The following LMTK3 variants were observed in gnomAD, a reference collection of about 807,000 sequenced individuals.
The protein encoded by LMTK3 is serine/threonine-protein kinase LMTK3.
LMTK3 carries 27 observed loss-of-function variants against 116.7 expected under a neutral mutation model. That is an observed-to-expected ratio of 0.23 (90% CI 0.17 to 0.32). LMTK3 has a LOEUF of 0.32. Ranked by LOEUF, LMTK3 falls within the 10% of genes least tolerant of loss-of-function variation. The probability of loss-of-function intolerance (pLI) is 1.00; values close to 1 mark genes in which losing one functional copy is unlikely to be tolerated. For missense variants in LMTK3, 1,764 were observed against 2,068.5 expected (o/e 0.85, Z 2.86); for synonymous variants, 965 against 971.0 (o/e 0.99, Z 0.11).
In LMTK3 at chr19:48,497,364, G is replaced by A. The variant is rs1296760842; in HGVS notation, c.3676+29C>T. On this transcript the variant is annotated intron_variant, in intron 11 of 14. Coordinates refer to ENST00000600059, the MANE Select transcript of LMTK3 (RefSeq NM_001388485.1). This position sits in a 1 kb window ranked among gnomAD's most constrained non-coding sequence, Gnocchi z 5.7. ...ACGCCTCGGAAACAGCCGGACCTCA[G>A]CCCTGACTGTGCCCCGCAGCCTCCT... The A allele has an allele frequency of 1.4e-6, 2 of 1,448,256 alleles. No homozygotes were observed. Among genetic ancestry groups the A allele is most frequent in the South Asian group, 3.0e-5 (2 of 66,394 alleles). 89.7% of individuals were successfully genotyped at this position (1,448,256 alleles called of 1,614,324 possible).
Position 48,498,397 on chromosome 19 carries a change from C to G in LMTK3, c.2672G>C (p.Gly891Ala). 1 of 1,611,704 alleles carries G rather than the reference C, an allele frequency of 6.2e-7. No homozygotes were observed. Among genetic ancestry groups the G allele is most frequent in the Non-Finnish European group, 8.5e-7 (1 of 1,179,166 alleles). The change falls in exon 11 of 15, where the codon GGG (glycine) becomes GCG (alanine). Residue 891 changes from glycine to alanine, a missense_variant. Physicochemically the swap from Gly to Ala is moderately conservative, Grantham distance 60 (BLOSUM62 0). Coordinates refer to ENST00000600059, the MANE Select transcript of LMTK3 (RefSeq NM_001388485.1). ...TTTCTCTCTGTTCCCGGGGCCTCTCCCCGCCTTCCTGGGTCCTGTCTCCCG... is the reference window on the plus strand; with the variant it reads ...TTTCTCTCTGTTCCCGGGGCCTCTCGCCGCCTTCCTGGGTCCTGTCTCCCG... ...TARETGPRKA[G>A]RGPGNREKVP...
In LMTK3 at chr19:48,497,658, C is replaced by A; in HGVS notation, c.3411G>T (p.Trp1137Cys). The A allele has an allele frequency of 7.6e-7, 1 of 1,312,030 alleles. No individual in the cohort carries two copies. The highest frequency in any genetic ancestry group is 9.7e-7 in the Non-Finnish European group (1 of 1,033,400). The allele number at this position is 1,312,030 out of a possible 1,614,324, so 81.3% of individuals were successfully genotyped here. The change falls in exon 11 of 15, where the codon TGG (tryptophan) becomes TGT (cysteine). Residue 1137 changes from tryptophan to cysteine, a missense_variant. Around this residue, in one of 7 missense-constraint regions of LMTK3, gnomAD observed 1,028 missense variants for 1,050.6 expected, o/e 0.98. Transcript: ENST00000600059. The surrounding 1 kb of genome is among the most constrained non-coding windows in gnomAD (Gnocchi z 5.7). ...PGSGVDAKAG[W>C]VDNTRPQPPP... ...GTGGCTGCGGCCTCGTGTTGTCTAC[C>A]CATCCGGCCTTTGCGTCCACGCCGC...
chr19:48,486,293 T>C (rs1972124198), intron 14 of LMTK3, among the ~76,000 whole-genome samples: 1 of 150,664 alleles, frequency 6.6e-6, no homozygotes, highest in Non-Finnish European at 1.5e-5. Context: ...CCTCCTGACC[T>C]CGTGATCCAC....
chr19:48,507,038 C>T (rs906142474), intron 5 of LMTK3, among the ~76,000 whole-genome samples: 6 of 152,144 alleles, frequency 3.9e-5, no homozygotes, highest in African/African-American at 9.7e-5. Context: ...GCAGTCTGCC[C>T]GCCTTGGCCT....
In LMTK3 at chr19:48,497,959, C is replaced by A. The variant is rs1338122413; in HGVS notation, c.3110G>T (p.Trp1037Leu). 6.3e-7 allele frequency: 1 copy of A among 1,589,870 alleles called. No homozygotes were observed. The highest frequency in any genetic ancestry group is 1.1e-5 in the South Asian group (1 of 88,380). Residue 1037 changes from tryptophan (W) to leucine (L), a missense_variant, in exon 11 of 15, where the codon TGG becomes TTG. Coordinates refer to ENST00000600059, the MANE Select transcript of LMTK3 (RefSeq NM_001388485.1). The surrounding 1 kb of genome is among the most constrained non-coding windows in gnomAD (Gnocchi z 5.7). ...CTCCCCGATCGTGGGGGCTGGACCCCAACTCTCGGGCGTCTTCTCCCAGGG... is the reference window on the plus strand; with the variant it reads ...CTCCCCGATCGTGGGGGCTGGACCCAAACTCTCGGGCGTCTTCTCCCAGGG... ...PGPWEKTPES[W>L]GPAPTIGEPA...
In LMTK3 at chr19:48,508,895, C is replaced by A; in HGVS notation, c.513G>T (p.Gly171=). Residue 171 remains glycine, a synonymous_variant, in exon 5 of 15, where the codon GGG becomes GGT. Coordinates refer to ENST00000600059, the MANE Select transcript of LMTK3 (RefSeq NM_001388485.1). ...AGATGAACTTGCGTTGCTCCAGGGG[C>A]CCCGCGCTGGCTCGGAGCTCCTTCA... ...VVVKELRASA[G]PLEQRKFISE... The A allele has an allele frequency of 6.2e-7, 1 of 1,613,694 alleles. No homozygotes were observed. Among genetic ancestry groups the A allele is most frequent in the Non-Finnish European group, 8.5e-7 (1 of 1,179,764 alleles).
rs759643958 is a variant in LMTK3, at chr19:48,498,641, C to G, written c.2428G>C (p.Gly810Arg). 39 of 1,542,248 alleles carry G rather than the reference C, an allele frequency of 2.5e-5. 1 individual carries two copies. The highest frequency in any genetic ancestry group is 1.7e-4 in the South Asian group (14 of 83,900). ...PFSPEGAFPG[G>R]GAAEEEGVPR... ...ACCCCTTCCTCCTCGGCCGCCCCCC[C>G]ACCTGGGAAGGCTCCCTCTGGGGAA... Residue 810 changes from glycine (G) to arginine (R), a missense_variant, in exon 11 of 15, where the codon GGG becomes CGG. Transcript: ENST00000600059.
In LMTK3 at chr19:48,491,742, G is replaced by A. The variant is rs1972231060; in HGVS notation, c.4093-203C>T. On this transcript the variant is annotated intron_variant, in intron 12 of 14. Transcript: ENST00000600059. The surrounding 1 kb of genome is among the most constrained non-coding windows in gnomAD (Gnocchi z 5.1). ...TTGGGCCAGCCTTAACCTCAACCTG[G>A]CCAGAGGCTCCTTTCCTGACAGCGG... 6.6e-6 allele frequency among the ~76,000 whole-genome samples: 1 copy of A among 152,196 alleles called. No homozygotes were observed. Among genetic ancestry groups the A allele is most frequent in the Non-Finnish European group, 1.5e-5 (1 of 68,040 alleles).
Position 48,498,508 on chromosome 19 carries a change from A to G in LMTK3, c.2561T>C (p.Val854Ala). The G allele has an allele frequency of 6.3e-7, 1 of 1,588,876 alleles. No homozygotes were observed. Among genetic ancestry groups the G allele is most frequent in the Non-Finnish European group, 8.6e-7 (1 of 1,167,594 alleles). ...CAGCTGTTCCGTGCTCACTTGAACC[A>G]CGAAGGTCGGCTTCTCCCGGGGCCC... Reference protein sequence around the residue: ...LPGPREKPTFVVQVSTEQLLM... With the variant: ...LPGPREKPTFAVQVSTEQLLM... The change falls in exon 11 of 15, where the codon GTG becomes GCG. Residue 854 changes from valine (V) to alanine (A), a missense_variant. Around this residue, in one of 7 missense-constraint regions of LMTK3, gnomAD observed 1,028 missense variants for 1,050.6 expected, o/e 0.98. Coordinates refer to ENST00000600059, the MANE Select transcript of LMTK3 (RefSeq NM_001388485.1).
Position 48,491,584 on chromosome 19 carries a change from C to G in LMTK3, c.4093-45G>C, listed in dbSNP as rs773963162. 1 of 1,302,742 alleles carries G rather than the reference C, an allele frequency of 7.7e-7. No homozygotes were observed. Among genetic ancestry groups the G allele is most frequent in the East Asian group, 3.0e-5 (1 of 33,724 alleles). The allele number at this position is 1,302,742 out of a possible 1,614,324, so 80.7% of individuals were successfully genotyped here. Reference sequence around the variant, plus strand: ...GGAAGCCAGAGGGGACAAACCTTCACGTCCCATTTACCGCATCCCCCAAAA... The same window carrying G: ...GGAAGCCAGAGGGGACAAACCTTCAGGTCCCATTTACCGCATCCCCCAAAA... On this transcript the variant is annotated intron_variant, in intron 12 of 14. Coordinates refer to ENST00000600059, the MANE Select transcript of LMTK3 (RefSeq NM_001388485.1). This position sits in a 1 kb window ranked among gnomAD's most constrained non-coding sequence, Gnocchi z 5.1.
chr19:48,501,339 G>T lies in LMTK3; in HGVS notation c.945C>A (p.Leu315=). Residue 315 remains leucine, a synonymous_variant, in exon 9 of 15, where the codon CTC becomes CTA. Transcript: ENST00000600059. ...CCATGAAGGTCCCGTGGAGCTCCCC[G>T]AGGAGCTCGGGCGCCGCCCAGCGCA... is the stretch of plus-strand genomic sequence containing the variant. ...IPLRWAAPEL[L]GELHGTFMVV... 1.2e-6 allele frequency: 2 copies of T among 1,613,392 alleles called. No individual in the cohort carries two copies. The highest frequency in any genetic ancestry group is 1.7e-6 in the Non-Finnish European group (2 of 1,179,778).
At chr19:48,489,024 C>T (rs759164306) in intron 14 of LMTK3, among the ~76,000 whole-genome samples, 18 of 152,150 alleles carry the variant, frequency 1.2e-4, no homozygotes, top group Non-Finnish European at 2.1e-4. Context: ...CAGGCGTAAG[C>T]CACTGTGCCT....
intron 11 of LMTK3, among the ~76,000 whole-genome samples, chr19:48,495,536 C>T (rs978368386): frequency 2.6e-5 from 4 of 152,200 alleles, no homozygotes; most frequent in South Asian, 2.1e-4. Flanking sequence ...TTTCATGCAG[C>T]CTGGGCTGTT....
Position 48,497,407 on chromosome 19 carries a change from C to T in LMTK3, c.3662G>A (p.Ser1221Asn). The T allele has an allele frequency of 6.5e-7, 1 of 1,528,120 alleles. No individual in the cohort carries two copies. Among genetic ancestry groups the T allele is most frequent in the Non-Finnish European group, 8.8e-7 (1 of 1,141,360 alleles). 94.7% of individuals were successfully genotyped at this position (1,528,120 alleles called of 1,614,324 possible). ...AGCCTCCTCACCTTTGATCTGCTCG[C>T]TGTTCCCCTGAGGGGGTCCCAAGTC... ...FLDLGPPQGN[S>N]EQIKARLSRL... Residue 1221 changes from serine (S) to asparagine (N), a missense_variant, in exon 11 of 15, where the codon AGC (serine) becomes AAC (asparagine). By Grantham distance (46) the Ser-to-Asn change is conservative (BLOSUM62 1). This residue lies in a region of LMTK3 where 39 missense variants were observed against 75.4 expected (regional missense o/e 0.52). Transcript: ENST00000600059. The surrounding 1 kb of genome is among the most constrained non-coding windows in gnomAD (Gnocchi z 5.7).
At chr19:48,504,274 C>A (rs910490836) in intron 5 of LMTK3, among the ~76,000 whole-genome samples, 4 of 152,180 alleles carry the variant, frequency 2.6e-5, no homozygotes, top group African/African-American at 9.7e-5. Context: ...TTTGCTGCCC[C>A]CCCAATGCCA....
chr19:48,509,551 C>A (rs1187049820), intron 3 of LMTK3, 38 bp from the exon 4 acceptor site: 1 of 1,512,052 alleles, frequency 6.6e-7, no homozygotes, highest in Non-Finnish European at 8.9e-7. Context: ...TGAGTCTCTC[C>A]CCCTTCCTGA....
In LMTK3 at chr19:48,498,956, CG is replaced by C. The variant is rs1569103542; in HGVS notation, c.2112del (p.Glu705ArgfsTer153). On this transcript the variant is annotated frameshift_variant, in exon 11 of 15. Coordinates refer to ENST00000600059, the MANE Select transcript of LMTK3 (RefSeq NM_001388485.1). LOFTEE classifies it high-confidence loss of function. ...TCTGCCCGCAGCGAGGAGTCGTCCT[CG>C]GGGGGGTGGGGGCAGCCAAGAGCAG... ...GHPALGCPHP[P>X]EDDSSLRAER... 11 of 1,260,636 alleles carry C rather than the reference CG, an allele frequency of 8.7e-6. No homozygotes were observed. Among genetic ancestry groups the C allele is most frequent in the South Asian group, 5.4e-5 (2 of 36,866 alleles). 78.1% of individuals were successfully genotyped at this position (1,260,636 alleles called of 1,614,324 possible).
At chr19:48,512,250 G>A (rs1044691542), upstream of LMTK3, among the ~76,000 whole-genome samples, 1 of 152,118 alleles carries the variant, frequency 6.6e-6, no homozygotes, top group Admixed American at 6.5e-5. Context: ...ACGGGGACAC[G>A]TACACGTCAC....
chr19:48,513,031 C>G (rs368392600), upstream of LMTK3: 40 of 892,186 alleles, frequency 4.5e-5, no homozygotes, highest in East Asian at 1.6e-4. The surrounding 1 kb of genome is among the most constrained non-coding windows in gnomAD (Gnocchi z 5.6). Context: ...ACCACAGTCA[C>G]ACATCACATA....
Sources: allele counts gnomAD v4.1 joint callset (sites outside exome capture counted in the v4.1 genomes callset), GRCh38; gene constraint gnomAD v4.1.1; regional missense constraint gnomAD v4.1.1; non-coding constraint Gnocchi (gnomAD v3.1); transcripts MANE v1.5; gene names NCBI Gene and HGNC (gene_info 2026-07-23, HGNC 2026-07-21).